CCDC125: variants seen among roughly 807,000 people sequenced by gnomAD.
CCDC125 encodes coiled-coil domain containing 125.
A neutral mutation model predicts 57.4 loss-of-function variants in CCDC125; 43 were observed. The ratio of observed to expected loss-of-function variants is 0.75; its 90% CI spans 0.59 to 0.97. The LOEUF (loss-of-function observed/expected upper bound fraction) is 0.97, where lower values mean the gene tolerates loss of function less well. Ranked by LOEUF, CCDC125 falls within the 50% of genes least tolerant of loss-of-function variation. CCDC125 has a pLI of 0.00. For synonymous variants in CCDC125, 187 were observed against 195.2 expected (o/e 0.96, Z 0.35); for missense variants, 563 against 595.7 (o/e 0.95, Z 0.57).
At chr5:69,331,120 T>C (rs1761363846) in intron 1 of CCDC125, among the ~76,000 whole-genome samples, 1 of 151,688 alleles carries the variant, frequency 6.6e-6, no homozygotes, top group Non-Finnish European at 1.5e-5. Flanking sequence ...CTGGCCAACA[T>C]GGTGAAACCC....
intron 7 of CCDC125, among the ~76,000 whole-genome samples, chr5:69,303,630 G>T (rs1432016171): frequency 6.6e-6 from 1 of 152,012 alleles, no homozygotes; most frequent in Non-Finnish European, 1.5e-5. Context: ...CTCCCAAAGT[G>T]CTGGGATTAC....
At chr5:69,318,689 G>GT (rs1266497943) in intron 2 of CCDC125, among the ~76,000 whole-genome samples, 1 of 151,816 alleles carries the variant, frequency 6.6e-6, no homozygotes, top group Non-Finnish European at 1.5e-5. Context: ...GGAGGCGGAG[G>GT]TTGCAGTGAG....
Position 69,286,496 on chromosome 5 carries a change from A to G in CCDC125, c.1100-1029T>C, listed in dbSNP as rs6867217. Among the ~76,000 whole-genome samples the G allele has an allele frequency of 1.1e-3, 167 of 151,610 alleles. 1 individual carries two copies. The highest frequency in any genetic ancestry group is 1.9e-3 in the Non-Finnish European group (130 of 67,906). ...ATTCGCCCCCTCTTGGCCTCCCAAA[A>G]TGCTGGGATTACAGGCGTGAGCCAC... On this transcript the variant is annotated intron_variant, in intron 10 of 11. Transcript: ENST00000396496.
At chr5:69,276,967 T>C (rs1400131684), downstream of CCDC125, 2 of 728,824 alleles carry the variant, frequency 2.7e-6, no homozygotes, top group East Asian at 2.6e-5. Context: ...ACATGCTAAA[T>C]GTTTAACAAG....
At chr5:69,305,839 CCAAATATACT>C (rs1757246285) in intron 6 of CCDC125, among the ~76,000 whole-genome samples, 1 of 152,176 alleles carries the variant, frequency 6.6e-6, no homozygotes, top group Non-Finnish European at 1.5e-5. Context: ...ACCCCTTCTT[CCAAATATACT>C]CTTTTGTCTT....
chr5:69,329,969 C>T lies in CCDC125; in HGVS notation c.-41+2680G>A, dbSNP rs548896437. ...GAATAGATTACAGTCTGTTAGCAGT[C>T]GTCTCACTTTTCCACTAAAACAACT... is the stretch of plus-strand genomic sequence containing the variant. On this transcript the variant is annotated intron_variant, in intron 1 of 11. Transcript: ENST00000396496. 1.8e-4 allele frequency among the ~76,000 whole-genome samples: 28 copies of T among 152,300 alleles called. No homozygotes were observed. In the South Asian group the frequency reaches 2.3e-3, roughly 12 times the overall value.
At chr5:69,301,753 T>G (rs1756488524) in intron 7 of CCDC125, among the ~76,000 whole-genome samples, 1 of 147,712 alleles carries the variant, frequency 6.8e-6, no homozygotes, top group Non-Finnish European at 1.5e-5. Flanking sequence ...AAAAGAAATC[T>G]GGGCATGGTG....
In CCDC125 at chr5:69,311,184, A is replaced by G. The variant is rs143832565; in HGVS notation, c.387T>C (p.Thr129=). 11,225 of 1,608,466 alleles carry G rather than the reference A, an allele frequency of 7.0e-3. 58 individuals are homozygous for G. The highest frequency in any genetic ancestry group is 0.012 in the South Asian group (1,073 of 90,578). Residue 129 remains threonine (T), a synonymous_variant, in exon 4 of 12, where the codon ACT becomes ACC. Transcript: ENST00000396496. ...GTTGTCTTTGAGATGCCTCAAGTTCAGTTTTTAACATTTCTACCTCCTGAG... is the reference window on the plus strand; with the variant it reads ...GTTGTCTTTGAGATGCCTCAAGTTCGGTTTTTAACATTTCTACCTCCTGAG... The part of the protein sequence containing the change: ...ETLEEVEMLK[T]ELEASQRQLR...
chr5:69,306,065 T>G (rs142615268), intron 6 of CCDC125, among the ~76,000 whole-genome samples: 16 of 152,164 alleles, frequency 1.1e-4, no homozygotes, highest in Admixed American at 3.9e-4. Flanking sequence ...AACATAAACA[T>G]TTACCATCTT....
In CCDC125 at chr5:69,308,637, G is replaced by A. The variant is rs555719743; in HGVS notation, c.454-609C>T. The A allele has an allele frequency of 3.2e-4, 55 of 169,644 alleles. No individual in the cohort carries two copies. The South Asian group carries it at 8.3e-3, about 25-fold the overall frequency. The allele number at this position is 169,644 out of a possible 1,614,324, so 10.5% of individuals were successfully genotyped here. A position where few individuals can be genotyped will look rare whatever the true frequency, so the allele number is the denominator to read the frequency against. Reference sequence around the variant, plus strand: ...AGTCTTGGGTATGTCTTTATCAGGAGCATAAAAATGGACTAATACAGTAAT... The same window carrying A: ...AGTCTTGGGTATGTCTTTATCAGGAACATAAAAATGGACTAATACAGTAAT... On this transcript the variant is annotated intron_variant, in intron 4 of 11. Coordinates refer to ENST00000396496, the MANE Select transcript of CCDC125 (RefSeq NM_176816.5).
At chr5:69,321,929 C>T (rs1312419513) in intron 1 of CCDC125, among the ~76,000 whole-genome samples, 2 of 151,990 alleles carry the variant, frequency 1.3e-5, no homozygotes, top group South Asian at 2.1e-4. Flanking sequence ...CTCCGCCTCC[C>T]GGGTTCAAGC....
chr5:69,292,460 G>T, intron 9 of CCDC125, 98 bp from the exon 10 acceptor site: 1 of 853,616 alleles, frequency 1.2e-6, no homozygotes. Flanking sequence ...TCACTGCCTA[G>T]CACTGGTTTA....
chr5:69,287,075 T>C (rs1753626320), intron 10 of CCDC125, among the ~76,000 whole-genome samples: 1 of 151,418 alleles, frequency 6.6e-6, no homozygotes, highest in South Asian at 2.1e-4. Context: ...CGGAAACTTG[T>C]CTAAACTGCC....
chr5:69,294,306 AC>A (rs1561422003), intron 9 of CCDC125: 1 of 195,424 alleles, frequency 5.1e-6, no homozygotes, highest in South Asian at 1.8e-4. Context: ...CATGCCAAGT[AC>A]TTTTTTTTTT....
At chr5:69,328,027 A>G (rs1348849062) in intron 1 of CCDC125, among the ~76,000 whole-genome samples, 1 of 152,056 alleles carries the variant, frequency 6.6e-6, no homozygotes, top group Admixed American at 6.6e-5. Context: ...CTCCCAGGTA[A>G]CTGGCATTAT....
At chr5:69,323,110 C>G (rs1760293631) in intron 1 of CCDC125, among the ~76,000 whole-genome samples, 1 of 151,804 alleles carries the variant, frequency 6.6e-6, no homozygotes, top group Non-Finnish European at 1.5e-5. Context: ...AGTTCAAGAC[C>G]AGTCTGGCCA....
chr5:69,277,046 A>AGAATGTGAACTTTGTT, downstream of CCDC125: 1 of 1,412,354 alleles, frequency 7.1e-7, no homozygotes, highest in Non-Finnish European at 9.8e-7. Flanking sequence ...AATTGCTATG[A>AGAATGTGAACTTTGTT]GAATGTGAAC....
intron 2 of CCDC125, among the ~76,000 whole-genome samples, chr5:69,315,172 C>T (rs1462258123): frequency 6.6e-6 from 1 of 151,780 alleles, no homozygotes; most frequent in Non-Finnish European, 1.5e-5. Flanking sequence ...AGGAGAATTG[C>T]TTGAACCCAG....
chr5:69,322,133 G>A (rs1405808074), intron 1 of CCDC125, among the ~76,000 whole-genome samples: 1 of 151,684 alleles, frequency 6.6e-6, no homozygotes, highest in East Asian at 1.9e-4. Context: ...GAGCCACCGC[G>A]CCCAGCTGGG....
Sources: gnomAD v4.1 joint callset for allele counts (sites outside exome capture counted in the v4.1 genomes callset) on GRCh38, gnomAD v4.1.1 for gene constraint, MANE v1.5 for transcripts, NCBI Gene and HGNC (gene_info 2026-07-23, HGNC 2026-07-21) for gene names.